The following ZNF638 variants were observed in gnomAD, a reference collection of about 807,000 sequenced individuals.
The protein encoded by ZNF638 is CTCL tumor antigen se33-1.
Under a neutral mutation model 195.6 loss-of-function variants are expected in ZNF638, and 46 were observed. The ratio of observed to expected loss-of-function variants is 0.24; its 90% CI spans 0.19 to 0.30. ZNF638 has a LOEUF of 0.30. Among genes scored for constraint, ZNF638 ranks in the 10% least tolerant of loss-of-function variants. The pLI, the probability that ZNF638 is intolerant of heterozygous loss-of-function variation, is 1.00. For synonymous variants in ZNF638, 845 were observed against 772.0 expected (o/e 1.09, Z -1.57); for missense variants, 2,440 against 2,325.3 (o/e 1.05, Z -1.01).
chr2:71,360,988 C>T (rs1433016932), intron 3 of ZNF638, among the ~76,000 whole-genome samples: 2 of 152,052 alleles, frequency 1.3e-5, no homozygotes, highest in African/African-American at 4.8e-5. Flanking sequence ...ACTTGGTGAA[C>T]CTGAACCTAA....
intron 8 of ZNF638, among the ~76,000 whole-genome samples, chr2:71,372,049 G>A (rs1055639961): frequency 6.6e-6 from 1 of 152,144 alleles, no homozygotes; most frequent in Non-Finnish European, 1.5e-5. Flanking sequence ...AGAGATCTTA[G>A]ATAAAAGTCT....
At chr2:71,409,070 A>G (rs1432668300) in intron 20 of ZNF638, among the ~76,000 whole-genome samples, 1 of 152,162 alleles carries the variant, frequency 6.6e-6, no homozygotes, top group African/African-American at 2.4e-5. Flanking sequence ...ACTAAATTCA[A>G]AATTAAACAC....
intron 7 of ZNF638, among the ~76,000 whole-genome samples, chr2:71,368,982 A>G (rs965840838): frequency 3.3e-5 from 5 of 152,358 alleles, no homozygotes; most frequent in African/African-American, 1.2e-4. Flanking sequence ...TTATATTCCT[A>G]TAACTCACAT....
In ZNF638 at chr2:71,424,156, G is replaced by A; in HGVS notation, c.4524+118G>A. The stretch of plus-strand genomic sequence containing the variant: ...ACTTTCATCTCCTCACTCTACCCCG[G>A]AAGCTCCCATTTCCTTTTCTTAAAT... On this transcript the variant is annotated intron_variant, in intron 22 of 27. Coordinates refer to ENST00000264447, the MANE Select transcript of ZNF638 (RefSeq NM_014497.5). 16 of 1,349,658 alleles carry A rather than the reference G, an allele frequency of 1.2e-5. No homozygotes were observed. The South Asian group carries it at 2.2e-4, about 19-fold the overall frequency. 83.6% of individuals were successfully genotyped at this position (1,349,658 alleles called of 1,614,324 possible).
chr2:71,391,908 GTTGT>G (rs1297363358), intron 10 of ZNF638, among the ~76,000 whole-genome samples: 3 of 152,258 alleles, frequency 2.0e-5, no homozygotes, highest in African/African-American at 7.2e-5. Flanking sequence ...ATTCAGTTCA[GTTGT>G]TTGTTTTTCC....
chr2:71,411,275 G>A (rs1169113489), intron 20 of ZNF638, among the ~76,000 whole-genome samples: 1 of 150,990 alleles, frequency 6.6e-6, no homozygotes, highest in Non-Finnish European at 1.5e-5. Flanking sequence ...TGGGATTACA[G>A]GGATTAGCCA....
chr2:71,336,175 C>T (rs2078663933), intron 1 of ZNF638, among the ~76,000 whole-genome samples: 1 of 152,018 alleles, frequency 6.6e-6, no homozygotes. Context: ...AGCTTAAGAC[C>T]AGCCTGACCA....
At chr2:71,369,183 A>C (rs1308102410) in intron 7 of ZNF638, among the ~76,000 whole-genome samples, 4 of 151,974 alleles carry the variant, frequency 2.6e-5, no homozygotes, top group Non-Finnish European at 1.5e-5. Flanking sequence ...AAGAATACAA[A>C]AATTAGCCAG....
intron 10 of ZNF638, chr2:71,388,377 C>A (rs781455682): frequency 1.6e-6 from 1 of 621,674 alleles, no homozygotes; most frequent in South Asian, 1.6e-5. Context: ...GATCATCCGA[C>A]CTTTGATCAT....
At chr2:71,333,257 A>G (rs2104047716) in intron 1 of ZNF638, among the ~76,000 whole-genome samples, 1 of 152,336 alleles carries the variant, frequency 6.6e-6, no homozygotes, top group Non-Finnish European at 1.5e-5. Flanking sequence ...GTACTTCTAA[A>G]TAATTACAGG....
intron 3 of ZNF638, among the ~76,000 whole-genome samples, chr2:71,358,693 G>A (rs969557067): frequency 6.6e-6 from 1 of 152,144 alleles, no homozygotes; most frequent in African/African-American, 2.4e-5. Context: ...CTTACCTTCT[G>A]CACATTTTTC....
intron 10 of ZNF638, among the ~76,000 whole-genome samples, chr2:71,391,472 C>G (rs1208983037): frequency 2.0e-5 from 3 of 152,136 alleles, no homozygotes; most frequent in Admixed American, 6.5e-5. Flanking sequence ...AAAAAATTTC[C>G]TAATTGCAAG....
chr2:71,346,704 G>A (rs1183116940), intron 1 of ZNF638, among the ~76,000 whole-genome samples: 3 of 152,076 alleles, frequency 2.0e-5, no homozygotes, highest in Non-Finnish European at 2.9e-5. Flanking sequence ...AAGATAGTAA[G>A]AATCCAAAAA....
intron 10 of ZNF638, among the ~76,000 whole-genome samples, chr2:71,390,219 G>T (rs1435705551): frequency 6.6e-6 from 1 of 152,204 alleles, no homozygotes; most frequent in Non-Finnish European, 1.5e-5. Context: ...CCAGCCCCAG[G>T]CCCTGCTCCA....
At chr2:71,340,798 T>A (rs1391992047) in intron 1 of ZNF638, among the ~76,000 whole-genome samples, 4 of 152,220 alleles carry the variant, frequency 2.6e-5, no homozygotes, top group Admixed American at 6.5e-5. Context: ...ATGGGAGATG[T>A]TGTAATCTTG....
Position 71,398,730 on chromosome 2 carries a change from G to A in ZNF638, c.2458G>A (p.Val820Ile). 1 of 1,613,378 alleles carries A rather than the reference G, an allele frequency of 6.2e-7. No individual in the cohort carries two copies. The highest frequency in any genetic ancestry group is 8.5e-7 in the Non-Finnish European group (1 of 1,179,522). The change falls in exon 12 of 28, where the codon GTA (valine) becomes ATA (isoleucine). Residue 820 changes from valine (V) to isoleucine (I), a missense_variant. Val to Ile is a conservative substitution (Grantham distance 29). This residue lies in a region of ZNF638 where 1,883 missense variants were observed against 1,739.1 expected (regional missense o/e 1.08). Transcript: ENST00000264447. Reference sequence around the variant, plus strand: ...ATCAGCAAGTTCTGTAAAATCTGTGGTAACGGTAGCTGTTAAAGGTAATAA... The same window carrying A: ...ATCAGCAAGTTCTGTAAAATCTGTGATAACGGTAGCTGTTAAAGGTAATAA... ...GKSASSVKSV[V>I]TVAVKGNKAS...
At chr2:71,386,515 A>G (rs925803820) in intron 10 of ZNF638, among the ~76,000 whole-genome samples, 4 of 152,182 alleles carry the variant, frequency 2.6e-5, no homozygotes, top group African/African-American at 7.2e-5. Context: ...TAAAACTAAT[A>G]ACCATTAACC....
chr2:71,357,744 C>T (rs2079047520), intron 3 of ZNF638, among the ~76,000 whole-genome samples: 1 of 152,024 alleles, frequency 6.6e-6, no homozygotes, highest in Admixed American at 6.6e-5. Context: ...ATGTTCTACT[C>T]TATTTTTTAA....
intron 26 of ZNF638, among the ~76,000 whole-genome samples, chr2:71,431,707 CCG>C: frequency 6.6e-6 from 1 of 151,506 alleles, no homozygotes; most frequent in Non-Finnish European, 1.5e-5. Flanking sequence ...TTGCAGTGAG[CCG>C]AGATAGCGCC....
Sources: gnomAD v4.1 joint callset for allele counts (sites outside exome capture counted in the v4.1 genomes callset) on GRCh38, gnomAD v4.1.1 for gene constraint, gnomAD v4.1.1 regional missense constraint, MANE v1.5 for transcripts, NCBI Gene and HGNC (gene_info 2026-07-23, HGNC 2026-07-21) for gene names.